HIPK2: variants seen among roughly 807,000 people sequenced by gnomAD.
The protein encoded by HIPK2 is homeodomain interacting protein kinase 2, also known as homeodomain-interacting protein kinase 2.
HIPK2 carries 27 observed loss-of-function variants against 113.7 expected under a neutral mutation model. That is an observed-to-expected ratio of 0.24 (90% confidence interval 0.17 to 0.33). HIPK2 has a LOEUF of 0.33. Among genes scored for constraint, HIPK2 ranks in the 10% least tolerant of loss-of-function variants. The pLI is 1.00. For missense variants in HIPK2, 1,257 were observed against 1,588.0 expected, an observed-to-expected ratio of 0.79 and a Z score of 3.54; for synonymous variants, 631 against 642.2, an observed-to-expected ratio of 0.98 and a Z score of 0.26.
intron 2 of HIPK2, among the ~76,000 whole-genome samples, chr7:139,709,388 T>C (rs1207893975): frequency 6.6e-6 from 1 of 152,282 alleles, no homozygotes; most frequent in African/African-American, 2.4e-5. Context: ...TGCTGTAATC[T>C]GCACAAGCTA....
chr7:139,606,767 C>A (rs1799632231), intron 9 of HIPK2, among the ~76,000 whole-genome samples: 1 of 152,168 alleles, frequency 6.6e-6, no homozygotes, highest in South Asian at 2.1e-4. Flanking sequence ...TGCCTCTTTT[C>A]AGTCTATAGA....
chr7:139,670,492 G>A (rs1002057943), intron 2 of HIPK2, among the ~76,000 whole-genome samples: 1 of 151,324 alleles, frequency 6.6e-6, no homozygotes, highest in African/African-American at 2.4e-5. Context: ...ACTCCAGGAG[G>A]ATTGCTTGAG....
chr7:139,584,219 T>G (rs1046891179), intron 12 of HIPK2, 155 bp from the exon 13 acceptor site: 2 of 506,736 alleles, frequency 3.9e-6, no homozygotes, highest in Non-Finnish European at 5.1e-6. Flanking sequence ...AGACTGGGCA[T>G]GCAAAAGTCC....
intron 2 of HIPK2, among the ~76,000 whole-genome samples, chr7:139,653,068 G>GGCTGAGGTTGCAGTGA (rs1251052094): frequency 6.7e-6 from 1 of 148,782 alleles, no homozygotes; most frequent in African/African-American, 2.5e-5. Context: ...GCACCTGGGA[G>GGCTGAGGTTGCAGTGA]GCTGAGGTTG....
At chr7:139,657,825 C>G (rs548279495) in intron 2 of HIPK2, among the ~76,000 whole-genome samples, 2 of 152,224 alleles carry the variant, frequency 1.3e-5, no homozygotes, top group Non-Finnish European at 2.9e-5. Flanking sequence ...TCACTGAACA[C>G]AGTGTTACAC....
At chr7:139,648,958 CAG>C (rs1569464047) in intron 2 of HIPK2, among the ~76,000 whole-genome samples, 1 of 152,028 alleles carries the variant, frequency 6.6e-6, no homozygotes, top group African/African-American at 2.4e-5. Context: ...AACGGAAGAA[CAG>C]AAACTCTAAA....
At chr7:139,642,692 T>C (rs569861779) in intron 2 of HIPK2, among the ~76,000 whole-genome samples, 17 of 152,302 alleles carry the variant, frequency 1.1e-4, no homozygotes, top group African/African-American at 4.1e-4. Context: ...GAAATAGTTT[T>C]GTCTTTGATT....
At chr7:139,703,487 C>T (rs1794771637) in intron 2 of HIPK2, among the ~76,000 whole-genome samples, 1 of 152,002 alleles carries the variant, frequency 6.6e-6, no homozygotes, top group Non-Finnish European at 1.5e-5. Flanking sequence ...AGAAGTGGCA[C>T]CAACAGTTTG....
chr7:139,604,683 C>CAAAAAA lies in HIPK2; in HGVS notation c.2113-466_2113-461dup, dbSNP rs11353760. Among the ~76,000 whole-genome samples the CAAAAAA allele has an allele frequency of 5.5e-4, 27 of 48,804 alleles. 1 individual carries two copies. The highest frequency in any genetic ancestry group is 1.9e-3 in the African/African-American group (25 of 13,036). The allele number at this position is 48,804 out of a possible 152,430, so 32.0% of individuals were successfully genotyped here. On this transcript the variant is annotated intron_variant, in intron 9 of 14. Transcript: ENST00000406875. ...TGGGCGACAGAGCGAGACTCCGTCT[C>CAAAAAA]AAAAAAAAAAAAAAAAAAAAAAAAA...
intron 2 of HIPK2, among the ~76,000 whole-genome samples, chr7:139,633,710 C>A (rs548489171): frequency 6.6e-6 from 1 of 151,464 alleles, no homozygotes; most frequent in Non-Finnish European, 1.5e-5. Flanking sequence ...TTTGGGAAGC[C>A]AAGGTGGGAG....
intron 2 of HIPK2, among the ~76,000 whole-genome samples, chr7:139,688,512 A>G (rs1794298211): frequency 6.6e-6 from 1 of 152,230 alleles, no homozygotes; most frequent in South Asian, 2.1e-4. Flanking sequence ...GCCAAAAGGC[A>G]GGAGCTGATG....
At chr7:139,709,698 G>A (rs538725852) in intron 2 of HIPK2, among the ~76,000 whole-genome samples, 1 of 152,242 alleles carries the variant, frequency 6.6e-6, no homozygotes, top group East Asian at 1.9e-4. Context: ...ACATTCTACT[G>A]ACCGTGACTC....
At chr7:139,629,705 T>A (rs187249777) in intron 4 of HIPK2, among the ~76,000 whole-genome samples, 195 of 152,312 alleles carry the variant, frequency 1.3e-3, no homozygotes, top group African/African-American at 4.6e-3. Context: ...TGGATTTCTG[T>A]ACTCATCCAT....
intron 2 of HIPK2, among the ~76,000 whole-genome samples, chr7:139,656,841 C>T (rs1801687501): frequency 1.3e-5 from 2 of 152,106 alleles, no homozygotes; most frequent in South Asian, 2.1e-4. Flanking sequence ...TTATTCAAAT[C>T]CTAAACATCC....
chr7:139,577,454 C>T (rs1798530380), intron 13 of HIPK2, among the ~76,000 whole-genome samples: 1 of 152,010 alleles, frequency 6.6e-6, no homozygotes, highest in African/African-American at 2.4e-5. Flanking sequence ...GCTGGGCCAA[C>T]ACTGGGCTTC....
rs1292133457 is a variant in HIPK2 at position 139,575,204 on chromosome 7, G to A, written c.3050C>T (p.Ser1017Leu). 4 of 1,586,954 alleles carry A rather than the reference G, an allele frequency of 2.5e-6. No homozygotes were observed. Among genetic ancestry groups the A allele is most frequent in the Admixed American group, 3.6e-5 (2 of 55,478 alleles). ...CTGCCGGTAGGTGATGGCTCCAGAT[G>A]AGCTCCCTGAAGAGTGACCGCTGGT... is the stretch of plus-strand genomic sequence containing the variant. ...TSTSGHSSGSSSGAITYRQQR... is the reference protein window; with the variant it reads ...TSTSGHSSGSLSGAITYRQQR... Residue 1017 changes from serine to leucine, a missense_variant, in exon 14 of 15, where the codon TCA becomes TTA. Transcript: ENST00000406875.
At chr7:139,593,492 T>C (rs1799094788) in intron 12 of HIPK2, among the ~76,000 whole-genome samples, 2 of 152,198 alleles carry the variant, frequency 1.3e-5, no homozygotes, top group African/African-American at 2.4e-5. Context: ...GAATAATGAT[T>C]TTGCATTGGC....
chr7:139,733,371 T>G (rs1446817290), intron 1 of HIPK2, among the ~76,000 whole-genome samples: 1 of 152,174 alleles, frequency 6.6e-6, no homozygotes, highest in Non-Finnish European at 1.5e-5. Flanking sequence ...AGAATTTACT[T>G]TCAAAGCTTC....
chr7:139,644,636 G>A (rs1381546933), intron 2 of HIPK2, among the ~76,000 whole-genome samples: 2 of 152,198 alleles, frequency 1.3e-5, no homozygotes, highest in African/African-American at 4.8e-5. Flanking sequence ...GACTGAAGCC[G>A]AGGGTTGAAA....
Sources: gnomAD v4.1 joint callset for allele counts (sites outside exome capture counted in the v4.1 genomes callset) on GRCh38, gnomAD v4.1.1 for gene constraint, MANE v1.5 for transcripts, NCBI Gene and HGNC (gene_info 2026-07-23, HGNC 2026-07-21) for gene names.